Variants in PACRG observed in about 807,000 individuals in gnomAD.
The protein encoded by PACRG is parkin coregulated, also known as parkin coregulated gene protein.
PACRG carries 29 observed loss-of-function variants against 29.7 expected under a neutral mutation model. The ratio of observed to expected loss-of-function variants is 0.98; its 90% confidence interval spans 0.73 to 1.33. The LOEUF (loss-of-function observed/expected upper bound fraction) is 1.33. PACRG is among the 40% of genes most tolerant of loss of function. PACRG has a pLI of 0.00. For synonymous variants in PACRG, 116 were observed against 118.7 expected, an observed-to-expected ratio of 0.98 and a Z score of 0.15; for missense variants, 279 against 316.2, an observed-to-expected ratio of 0.88 and a Z score of 0.89.
intron 4 of PACRG, among the ~76,000 whole-genome samples, chr6:163,266,414 A>G (rs1435419366): frequency 2.0e-5 from 3 of 152,260 alleles, no homozygotes; most frequent in African/African-American, 7.2e-5. Context: ...CAGCAAGAGG[A>G]CTTAGATTAA....
chr6:163,062,059 C>T lies in PACRG; in HGVS notation c.292-91C>T. The T allele has an allele frequency of 2.2e-6, 3 of 1,342,460 alleles. No individual in the cohort carries two copies. In the East Asian group the frequency reaches 6.9e-5, roughly 31 times the overall value. 83.2% of individuals were successfully genotyped at this position (1,342,460 alleles called of 1,614,324 possible). On this transcript the variant is annotated intron_variant, in intron 2 of 4. Transcript: ENST00000366888. ...TTCCTGAAGTTCTAAAGAGCGTGCC[C>T]CTCTGGAGTGGGTGACAGCTGCATA... is the stretch of plus-strand genomic sequence containing the variant.
intron 1 of PACRG, among the ~76,000 whole-genome samples, chr6:162,787,271 A>G (rs1377925389): frequency 1.3e-5 from 2 of 151,944 alleles, no homozygotes; most frequent in Non-Finnish European, 2.9e-5. Context: ...CTCTTTAACA[A>G]TGAGCCTTTT....
chr6:162,861,592 C>T (rs1318183782), intron 2 of PACRG, among the ~76,000 whole-genome samples: 1 of 152,096 alleles, frequency 6.6e-6, no homozygotes, highest in Non-Finnish European at 1.5e-5. Flanking sequence ...AAGTCGTCAA[C>T]ACAAGGAGCA....
intron 4 of PACRG, among the ~76,000 whole-genome samples, chr6:163,104,777 A>G (rs1234481488): frequency 1.3e-5 from 2 of 152,220 alleles, no homozygotes; most frequent in Non-Finnish European, 2.9e-5. Context: ...CTAACAAATC[A>G]CATAGTTCTC....
intron 4 of PACRG, among the ~76,000 whole-genome samples, chr6:163,219,756 C>G (rs972565704): frequency 2.6e-5 from 4 of 152,044 alleles, no homozygotes; most frequent in African/African-American, 9.7e-5. Context: ...CTGCCTCCCT[C>G]CCTCCTACCA....
intron 4 of PACRG, chr6:163,183,208 G>A (rs1779756138): frequency 6.6e-6 from 1 of 152,228 alleles, no homozygotes; most frequent in Non-Finnish European, 1.5e-5. Flanking sequence ...GTGTCCCTCT[G>A]GACAAGTAGA....
chr6:163,309,139 G>A (rs562611901), intron 4 of PACRG, among the ~76,000 whole-genome samples: 22 of 152,338 alleles, frequency 1.4e-4, no homozygotes, highest in Middle Eastern at 3.4e-3. Flanking sequence ...CAAATGCTGG[G>A]TACGGAAAGA....
intron 1 of PACRG, among the ~76,000 whole-genome samples, chr6:162,812,771 G>T (rs1022406924): frequency 1.3e-5 from 2 of 151,962 alleles, no homozygotes. Context: ...AAATACATGT[G>T]GTTATTTGAT....
intron 2 of PACRG, chr6:163,051,246 T>G (rs1372814312): frequency 6.6e-6 from 1 of 152,172 alleles, no homozygotes; most frequent in East Asian, 1.9e-4. Flanking sequence ...TATTCTTCTG[T>G]TTCCAGTTGT....
chr6:162,949,495 G>T (rs1799491872), intron 2 of PACRG, among the ~76,000 whole-genome samples: 2 of 152,158 alleles, frequency 1.3e-5, no homozygotes, highest in African/African-American at 2.4e-5. Context: ...AAAGGAGCTA[G>T]AAGGGAGCAG....
rs373472472 is a variant in PACRG at position 162,814,122 on chromosome 6, C to T, written c.157-25C>T. 52 of 1,590,146 alleles carry T rather than the reference C, an allele frequency of 3.3e-5. No homozygotes were observed. The African/African-American group carries it at 5.8e-4, about 18-fold the overall frequency. On this transcript the variant is annotated intron_variant, in intron 1 of 4. Transcript: ENST00000366888. ...TTTTTAGTATGTCTTAAAACCTGATCCCTATTTTTTTTTTTCCAATTAAGG... is the reference window on the plus strand; with the variant it reads ...TTTTTAGTATGTCTTAAAACCTGATTCCTATTTTTTTTTTTCCAATTAAGG...
intron 4 of PACRG, among the ~76,000 whole-genome samples, chr6:163,309,294 T>C (rs1379741931): frequency 3.9e-5 from 6 of 152,264 alleles, no homozygotes; most frequent in African/African-American, 1.4e-4. Flanking sequence ...CAGCTATTTA[T>C]TTCAGAGCCT....
At chr6:163,266,230 C>T (rs9356103) in intron 4 of PACRG, among the ~76,000 whole-genome samples, 52,990 of 151,944 alleles carry the variant, frequency 0.35, 9,402 homozygotes, top group Non-Finnish European at 0.37. Context: ...TCTTTCAGAA[C>T]AGATAAAAAT....
intron 2 of PACRG, among the ~76,000 whole-genome samples, chr6:163,061,097 T>C (rs1298983428): frequency 2.0e-5 from 3 of 152,162 alleles, no homozygotes; most frequent in Non-Finnish European, 4.4e-5. Context: ...CCTCACTTGA[T>C]TAGAAGGTGG....
intron 4 of PACRG, among the ~76,000 whole-genome samples, chr6:163,123,346 G>A (rs1816382144): frequency 1.3e-5 from 2 of 152,242 alleles, no homozygotes; most frequent in South Asian, 2.1e-4. Flanking sequence ...GCCATGTCGG[G>A]TGGACCTGGT....
At chr6:162,975,747 A>G (rs944140627) in intron 2 of PACRG, among the ~76,000 whole-genome samples, 3 of 147,086 alleles carry the variant, frequency 2.0e-5, no homozygotes, top group African/African-American at 5.0e-5. Flanking sequence ...ATTCAAATAA[A>G]ATCTTTAGCA....
At chr6:163,166,566 A>T (rs1778822993) in intron 4 of PACRG, among the ~76,000 whole-genome samples, 2 of 152,244 alleles carry the variant, frequency 1.3e-5, no homozygotes, top group South Asian at 4.1e-4. Context: ...AATGGATCCC[A>T]CTTAATAGTG....
At chr6:163,101,877 C>CA (rs772826278) in intron 4 of PACRG, among the ~76,000 whole-genome samples, 1 of 152,022 alleles carries the variant, frequency 6.6e-6, no homozygotes, top group Non-Finnish European at 1.5e-5. Flanking sequence ...GGGGGAATGC[C>CA]AAAGAGAGAA....
chr6:163,068,579 T>C (rs1427528243), intron 3 of PACRG, among the ~76,000 whole-genome samples: 1 of 152,014 alleles, frequency 6.6e-6, no homozygotes, highest in African/African-American at 2.4e-5. Context: ...TTTAACAGTA[T>C]CTTCTCTCTG....
Sources: allele counts gnomAD v4.1 joint callset (sites outside exome capture counted in the v4.1 genomes callset), GRCh38; gene constraint gnomAD v4.1.1; transcripts MANE v1.5; gene names NCBI Gene and HGNC (gene_info 2026-07-23, HGNC 2026-07-21).